The following DYNC1I1 variants were observed in gnomAD, a reference collection of about 807,000 sequenced individuals.
The protein encoded by DYNC1I1 is cytoplasmic dynein 1 intermediate chain 1.
Under a neutral mutation model 86.6 loss-of-function variants are expected in DYNC1I1, and 43 were observed. The ratio of observed to expected loss-of-function variants is 0.50; its 90% CI spans 0.39 to 0.64. The LOEUF (loss-of-function observed/expected upper bound fraction) is 0.64. Among genes scored for constraint, DYNC1I1 ranks in the 30% least tolerant of loss-of-function variants. The pLI is 0.00. For synonymous variants in DYNC1I1, 262 were observed against 283.7 expected (o/e 0.92, Z 0.77); for missense variants, 604 against 788.8 (o/e 0.77, Z 2.81).
intron 15 of DYNC1I1, 86 bp downstream of exon 15, chr7:96,076,283 C>CGG: frequency 1.3e-6 from 2 of 1,539,788 alleles, no homozygotes; most frequent in Non-Finnish European, 1.8e-6. Context: ...TTCTCCAAAA[C>CGG]GGCCTTTTTT....
chr7:95,818,352 G>T, intron 4 of DYNC1I1: 1 of 421,488 alleles, frequency 2.4e-6, no homozygotes, highest in Non-Finnish European at 4.2e-6. Flanking sequence ...CACCCAGGCA[G>T]CAGTGGTGGC....
At chr7:96,072,321 C>T (rs7796656) in intron 14 of DYNC1I1, among the ~76,000 whole-genome samples, 1 of 152,120 alleles carries the variant, frequency 6.6e-6, no homozygotes, top group South Asian at 2.1e-4. Context: ...TTGACATGTA[C>T]CACACGTGCA....
intron 16 of DYNC1I1, among the ~76,000 whole-genome samples, chr7:96,089,639 C>A (rs1351019350): frequency 6.6e-6 from 1 of 152,064 alleles, no homozygotes; most frequent in Admixed American, 6.5e-5. Flanking sequence ...AAAAGCATAA[C>A]CGTTGATTCA....
At chr7:96,062,751 A>G (rs1436547429) in intron 14 of DYNC1I1, among the ~76,000 whole-genome samples, 5 of 152,012 alleles carry the variant, frequency 3.3e-5, no homozygotes, top group Non-Finnish European at 7.4e-5. Flanking sequence ...TCCCCATCTC[A>G]CCCTGTAGCC....
At chr7:95,891,382 TAAA>T (rs569737659) in intron 6 of DYNC1I1, among the ~76,000 whole-genome samples, 1 of 152,208 alleles carries the variant, frequency 6.6e-6, no homozygotes, top group Non-Finnish European at 1.5e-5. Flanking sequence ...GGTCTAAGGG[TAAA>T]AATCAAAAGT....
At chr7:96,009,651 C>T (rs1012659111) in intron 10 of DYNC1I1, among the ~76,000 whole-genome samples, 6 of 152,130 alleles carry the variant, frequency 3.9e-5, no homozygotes, top group African/African-American at 1.4e-4. Flanking sequence ...CTCTGCAGAC[C>T]TCTCCCACTG....
rs73226535 is a variant in DYNC1I1, at chr7:95,798,296, A to G, written c.-9-6425A>G. ...AAATTTAGAAAATAACCCTCCTTTC[A>G]CTGGCCAACTCCCTCCTGAGATGTC... On this transcript the variant is annotated intron_variant, in intron 1 of 16. Coordinates refer to ENST00000447467, the MANE Select transcript of DYNC1I1 (RefSeq NM_001135556.2). 6.2e-3 allele frequency among the ~76,000 whole-genome samples: 936 copies of G among 151,912 alleles called. 7 individuals are homozygous for G. The highest frequency in any genetic ancestry group is 7.6e-3 in the Non-Finnish European group (519 of 68,002).
intron 6 of DYNC1I1, among the ~76,000 whole-genome samples, chr7:95,906,321 T>G (rs909504857): frequency 6.6e-6 from 1 of 152,154 alleles, no homozygotes; most frequent in Non-Finnish European, 1.5e-5. Flanking sequence ...TCTAGGAGTA[T>G]GGAAACAGAA....
chr7:95,984,993 G>T lies in DYNC1I1; in HGVS notation c.743+16G>T. On this transcript the variant is annotated intron_variant, in intron 8 of 16. Coordinates refer to ENST00000447467, the MANE Select transcript of DYNC1I1 (RefSeq NM_001135556.2). ...AAAAAGATGGGTTAGTCTCTTGTGT[G>T]CATTCTTTAAAAAATAGCGTAAGTT... The T allele has an allele frequency of 1.2e-6, 2 of 1,604,078 alleles. No homozygotes were observed. The highest frequency in any genetic ancestry group is 1.7e-6 in the Non-Finnish European group (2 of 1,177,374).
chr7:96,070,268 G>A (rs549965573), intron 14 of DYNC1I1, among the ~76,000 whole-genome samples: 8 of 152,224 alleles, frequency 5.3e-5, no homozygotes, highest in African/African-American at 1.4e-4. Flanking sequence ...TTTGGTTTGC[G>A]AGTTTTGGTT....
At chr7:96,106,105 A>G (rs530966943) in intron 16 of DYNC1I1, among the ~76,000 whole-genome samples, 1 of 152,156 alleles carries the variant, frequency 6.6e-6, no homozygotes, top group African/African-American at 2.4e-5. Context: ...TAAATTGTCA[A>G]TTTTCTTTAT....
At chr7:95,872,022 G>A (rs74884512) in intron 6 of DYNC1I1, among the ~76,000 whole-genome samples, 8,698 of 152,282 alleles carry the variant, frequency 0.057, 607 homozygotes, top group African/African-American at 0.16. Context: ...CACCACAGGC[G>A]ATGATGCCTT....
At chr7:95,943,945 A>T (rs1178689599) in intron 6 of DYNC1I1, among the ~76,000 whole-genome samples, 10 of 152,146 alleles carry the variant, frequency 6.6e-5, no homozygotes, top group African/African-American at 2.4e-4. Flanking sequence ...AGGCATTAAC[A>T]TTCAGGACAT....
At chr7:95,797,374 G>C (rs1259727205) in intron 1 of DYNC1I1, among the ~76,000 whole-genome samples, 1 of 152,136 alleles carries the variant, frequency 6.6e-6, no homozygotes, top group East Asian at 1.9e-4. Flanking sequence ...GATAAAGTTT[G>C]AGCTTTCAAG....
chr7:96,082,281 TAA>T (rs34464231), intron 16 of DYNC1I1, among the ~76,000 whole-genome samples: 56,293 of 148,400 alleles, frequency 0.38, 10,856 homozygotes, highest in African/African-American at 0.46. Context: ...AGGAGAATGT[TAA>T]AAAAAAAAAA....
intron 14 of DYNC1I1, among the ~76,000 whole-genome samples, chr7:96,059,695 G>T (rs1258785657): frequency 2.0e-5 from 3 of 152,146 alleles, no homozygotes; most frequent in Non-Finnish European, 4.4e-5. Flanking sequence ...CCCTGAGGAG[G>T]GGACACTTTA....
chr7:95,829,035 T>C (rs1305822643), intron 5 of DYNC1I1, among the ~76,000 whole-genome samples: 1 of 152,158 alleles, frequency 6.6e-6, no homozygotes, highest in Non-Finnish European at 1.5e-5. Context: ...GCACTGGATA[T>C]CTCTAAGTGA....
chr7:96,006,666 A>G (rs1399682122), intron 10 of DYNC1I1, among the ~76,000 whole-genome samples: 2 of 152,222 alleles, frequency 1.3e-5, no homozygotes, highest in African/African-American at 4.8e-5. Flanking sequence ...GATATGATTT[A>G]CTAAAGAAGA....
intron 6 of DYNC1I1, among the ~76,000 whole-genome samples, chr7:95,892,622 T>C (rs113811198): frequency 0.037 from 5,643 of 152,250 alleles, 321 homozygotes; most frequent in African/African-American, 0.12. Context: ...AATTTTTGTA[T>C]TTTTAGTAGA....
Sources: gnomAD v4.1 joint callset for allele counts (sites outside exome capture counted in the v4.1 genomes callset) on GRCh38, gnomAD v4.1.1 for gene constraint, MANE v1.5 for transcripts, NCBI Gene and HGNC (gene_info 2026-07-23, HGNC 2026-07-21) for gene names.